ZNF268: variants seen among roughly 807,000 people sequenced by gnomAD.
ZNF268 encodes zinc finger protein 3.
In ZNF268, 20 loss-of-function variants were observed where a neutral mutation model predicts 29.3. The ratio of observed to expected loss-of-function variants is 0.68; its 90% CI spans 0.48 to 0.99. ZNF268 has a LOEUF of 0.99. Ranked by LOEUF, ZNF268 falls within the 50% of genes least tolerant of loss-of-function variation. The pLI is 0.00. For missense variants in ZNF268, 1,240 were observed against 1,121.6 expected (o/e 1.11, Z -1.51); for synonymous variants, 429 against 376.9 (o/e 1.14, Z -1.60).
intron 5 of ZNF268, among the ~76,000 whole-genome samples, chr12:133,199,886 C>T (rs968669676): frequency 1.4e-4 from 21 of 152,110 alleles, no homozygotes; most frequent in African/African-American, 5.1e-4. Context: ...GTGAAATCCC[C>T]TTTATCATTT....
intron 3 of ZNF268, among the ~76,000 whole-genome samples, chr12:133,188,327 C>G (rs1956376267): frequency 6.6e-6 from 1 of 152,196 alleles, no homozygotes; most frequent in African/African-American, 2.4e-5. Context: ...TCTTGAGTAG[C>G]TGGGACAGCA....
intron 2 of ZNF268, chr12:133,184,724 C>T (rs756366219): frequency 2.2e-6 from 1 of 451,318 alleles, no homozygotes; most frequent in Non-Finnish European, 4.5e-6. Flanking sequence ...TCAAGTGGTT[C>T]TCTTGCCTCA....
Position 133,204,272 on chromosome 12 carries a change from A to G in ZNF268, c.2586A>G (p.Lys862=). Residue 862 remains lysine (K), a synonymous_variant, in exon 6 of 6, where the codon AAA becomes AAG. Transcript: ENST00000536435. The part of the protein sequence containing the change: ...LVHQRMHTRE[K]PYECSECGKA... ...ACCAGAGAATGCACACAAGAGAGAAACCATATGAATGCAGTGAGTGTGGAA... is the reference window on the plus strand; with the variant it reads ...ACCAGAGAATGCACACAAGAGAGAAGCCATATGAATGCAGTGAGTGTGGAA... The G allele has an allele frequency of 6.4e-7, 1 of 1,550,936 alleles. No individual in the cohort carries two copies. The highest frequency in any genetic ancestry group is 8.7e-7 in the Non-Finnish European group (1 of 1,151,672).
Position 133,191,631 on chromosome 12 carries a change from C to T in ZNF268, c.361+16C>T. On this transcript the variant is annotated intron_variant, in intron 4 of 5. Coordinates refer to ENST00000536435, the MANE Select transcript of ZNF268 (RefSeq NM_003415.3). The stretch of plus-strand genomic sequence containing the variant: ...GTGTCCCTAGGTAAGTGCTGCCTCC[C>T]TGAGGAGGAGTGTGCTCGATCTCCA... 1 of 1,613,156 alleles carries T rather than the reference C, an allele frequency of 6.2e-7. No individual in the cohort carries two copies.
chr12:133,209,796 G>C lies in ZNF268; in HGVS notation c.*5266G>C, dbSNP rs975401449. 3.4e-5 allele frequency: 5 copies of C among 148,606 alleles called. No homozygotes were observed. The highest frequency in any genetic ancestry group is 7.3e-5 in the Non-Finnish European group (5 of 68,048). The allele number at this position is 148,606 out of a possible 1,614,324, so 9.2% of individuals were successfully genotyped here. A position where few individuals can be genotyped will look rare whatever the true frequency, so the allele number is the denominator to read the frequency against. ...CCATTGCACTCCAGCCCGGGCAGCAGAGTGAGACTCCTTCAAAAAAAATTA... is the reference window on the plus strand; with the variant it reads ...CCATTGCACTCCAGCCCGGGCAGCACAGTGAGACTCCTTCAAAAAAAATTA... On this transcript the variant is annotated 3_prime_UTR_variant, in exon 6 of 6. Coordinates refer to ENST00000536435, the MANE Select transcript of ZNF268 (RefSeq NM_003415.3).
intron 3 of ZNF268, chr12:133,188,287 C>G (rs1199963953): frequency 1.9e-6 from 1 of 526,670 alleles, no homozygotes; most frequent in African/African-American, 1.9e-5. Context: ...GCCTCAAACT[C>G]CAGGCTCAAG....
Position 133,202,300 on chromosome 12 carries a change from C to A in ZNF268, c.614C>A (p.Thr205Lys). Residue 205 changes from threonine (T) to lysine (K), a missense_variant, in exon 6 of 6, where the codon ACG (threonine) becomes AAG (lysine). By Grantham distance (78) the Thr-to-Lys change is moderately conservative (BLOSUM62 -1). Transcript: ENST00000536435. ...LSRQKPHKCG[T>K]HGKSLKYIDF... ...AGACAAAAACCTCATAAATGTGGCA[C>A]GCATGGAAAGAGTTTGAAATATATA... The A allele has an allele frequency of 6.2e-7, 1 of 1,612,432 alleles. No homozygotes were observed. Among genetic ancestry groups the A allele is most frequent in the Non-Finnish European group, 8.5e-7 (1 of 1,179,212 alleles).
intron 5 of ZNF268, among the ~76,000 whole-genome samples, chr12:133,196,319 T>TAAAA (rs58218652): frequency 3.0e-5 from 3 of 100,990 alleles, no homozygotes; most frequent in East Asian, 3.7e-4. Context: ...AGACTCCATC[T>TAAAA]AAAAAAAAAA....
intron 5 of ZNF268, chr12:133,193,602 A>G (rs915366315): frequency 2.0e-5 from 11 of 559,458 alleles, no homozygotes; most frequent in African/African-American, 3.8e-5. Flanking sequence ...GCCCTTTTAG[A>G]AACGACTAAT....
At chr12:133,187,615 G>A (rs1474433347) in intron 2 of ZNF268, among the ~76,000 whole-genome samples, 1 of 152,076 alleles carries the variant, frequency 6.6e-6, no homozygotes, top group Admixed American at 6.5e-5. Flanking sequence ...GATGAGCCAG[G>A]ACAGTTTTCT....
intron 3 of ZNF268, among the ~76,000 whole-genome samples, chr12:133,190,067 C>CA (rs1956428629): frequency 6.6e-6 from 1 of 152,216 alleles, no homozygotes; most frequent in Non-Finnish European, 1.5e-5. Flanking sequence ...CTCGGCCTCC[C>CA]AAAGTGCTAG....
At chr12:133,184,902 G>A (rs1024353494) in intron 2 of ZNF268, 3 of 296,174 alleles carry the variant, frequency 1.0e-5, no homozygotes, top group African/African-American at 6.5e-5. Flanking sequence ...AGTGGTGATG[G>A]GCTGTGTGTG....
chr12:133,208,417 AC>A lies in ZNF268; in HGVS notation c.*3889del, dbSNP rs1230576929. The A allele has an allele frequency of 6.6e-6, 1 of 152,006 alleles. No individual in the cohort carries two copies. The highest frequency in any genetic ancestry group is 1.9e-4 in the East Asian group (1 of 5,178). 9.4% of individuals were successfully genotyped at this position (152,006 alleles called of 1,614,324 possible). ...AGGCTGAGGCAGAAGAATTGCTTGA[AC>A]CTAGGAGGTGGCAGTTGCAGTGAGC... On this transcript the variant is annotated 3_prime_UTR_variant, in exon 6 of 6. Coordinates refer to ENST00000536435, the MANE Select transcript of ZNF268 (RefSeq NM_003415.3).
chr12:133,191,323 A>G, intron 3 of ZNF268, 166 bp from the exon 4 acceptor site: 2 of 759,688 alleles, frequency 2.6e-6, no homozygotes, highest in Non-Finnish European at 4.0e-6. Context: ...TCTCAACAAA[A>G]AAAAAAAAAG....
intron 3 of ZNF268, among the ~76,000 whole-genome samples, chr12:133,189,030 C>T (rs1166293026): frequency 6.6e-6 from 1 of 151,934 alleles, no homozygotes; most frequent in African/African-American, 2.4e-5. Flanking sequence ...TTTCGATTTA[C>T]AGTGCCTTTG....
rs552302634 is a variant in ZNF268 at position 133,204,636 on chromosome 12, T to C, written c.*106T>C. On this transcript the variant is annotated 3_prime_UTR_variant, in exon 6 of 6. Transcript: ENST00000536435. The stretch of plus-strand genomic sequence containing the variant: ...ATCTTGTCATCTTCCAGAAAACTCA[T>C]ACTGAATAGAAACTTTATGAATGCA... 6.0e-6 allele frequency: 5 copies of C among 831,318 alleles called. No homozygotes were observed. In the East Asian group the frequency reaches 1.2e-4, roughly 20 times the overall value. 51.5% of individuals were successfully genotyped at this position (831,318 alleles called of 1,614,324 possible).
At chr12:133,185,174 ACT>A (rs1333132294) in intron 2 of ZNF268, among the ~76,000 whole-genome samples, 25 of 135,492 alleles carry the variant, frequency 1.8e-4, no homozygotes, top group African/African-American at 6.4e-4. Flanking sequence ...ACAGAGTGAG[ACT>A]CTGTCTCAAA....
At chr12:133,192,098 T>G in intron 5 of ZNF268, 95 bp downstream of exon 5, 7 of 987,570 alleles carry the variant, frequency 7.1e-6, no homozygotes, top group Non-Finnish European at 1.0e-5. Context: ...CCTCGTGTAT[T>G]ACCATGCACT....
At chr12:133,188,101 G>C in intron 3 of ZNF268, 29 bp downstream of exon 3, 1 of 1,496,282 alleles carries the variant, frequency 6.7e-7, no homozygotes, top group African/African-American at 1.6e-5. Context: ...TATTCCTAGT[G>C]TTTTCTTTAT....
Sources: allele counts gnomAD v4.1 joint callset (sites outside exome capture counted in the v4.1 genomes callset), GRCh38; gene constraint gnomAD v4.1.1; transcripts MANE v1.5; gene names NCBI Gene and HGNC (gene_info 2026-07-23, HGNC 2026-07-21).